Variants in INTS13 observed in about 807,000 individuals in gnomAD.
INTS13 encodes asunder, spermatogenesis regulator homolog (Drosphila).
Under a neutral mutation model 90.2 loss-of-function variants are expected in INTS13, and 35 were observed. The ratio of observed to expected loss-of-function variants is 0.39; its 90% CI spans 0.30 to 0.51. The LOEUF is 0.51. Among genes scored for constraint, INTS13 ranks in the 20% least tolerant of loss-of-function variants. The pLI is 0.80. For missense variants in INTS13, 601 were observed against 851.2 expected, an observed-to-expected ratio of 0.71 and a Z score of 3.66; for synonymous variants, 309 against 277.1, an observed-to-expected ratio of 1.11 and a Z score of -1.14.
At position 26,928,831 on chromosome 12, in the gene INTS13, G is replaced by A. The variant is rs1253969387; in HGVS notation, c.375C>T (p.Gly125=). The part of the protein sequence containing the change: ...ADPECCSILH[G]LVAAVETLCK... ...AGAGAGTTTCCACTGCTGCAACAAG[G>A]CCATGCAGAATACTGCAGCACTCTG... Residue 125 remains glycine, a synonymous_variant, in exon 4 of 17, where the codon GGC becomes GGT. Coordinates refer to ENST00000261191, the MANE Select transcript of INTS13 (RefSeq NM_018164.3). The A allele has an allele frequency of 6.2e-7, 1 of 1,614,176 alleles. No individual in the cohort carries two copies. Among genetic ancestry groups the A allele is most frequent in the South Asian group, 1.1e-5 (1 of 91,088 alleles).
chr12:26,919,076 G>A (rs756547806), intron 8 of INTS13: 10 of 382,074 alleles, frequency 2.6e-5, no homozygotes, highest in Non-Finnish European at 4.4e-5. Context: ...TGAGGTGGAA[G>A]GACTGCTTGT....
intron 1 of INTS13, 85 bp from the exon 2 acceptor site, chr12:26,936,899 C>T (rs1392608768): frequency 1.2e-6 from 1 of 860,990 alleles, no homozygotes; most frequent in African/African-American, 1.7e-5. Context: ...TTGTCTTTCC[C>T]TCAAGAAGAC....
chr12:26,927,804 C>T (rs1355824360), intron 5 of INTS13, among the ~76,000 whole-genome samples: 4 of 151,892 alleles, frequency 2.6e-5, no homozygotes, highest in African/African-American at 7.3e-5. Context: ...TTTGTAGAGA[C>T]GGGGTTTTGC....
chr12:26,925,742 T>C lies in INTS13; in HGVS notation c.675+19A>G. The C allele has an allele frequency of 6.4e-7, 1 of 1,564,204 alleles. No individual in the cohort carries two copies. The highest frequency in any genetic ancestry group is 2.3e-5 in the East Asian group (1 of 44,416). ...TTATTAACCACAATAGTCTTTTCTT[T>C]CATTATTTCAACACTCACCTCTTTT... is the stretch of plus-strand genomic sequence containing the variant. On this transcript the variant is annotated intron_variant, in intron 6 of 16. Transcript: ENST00000261191.
rs1014339847 is a variant in INTS13 at position 26,913,696 on chromosome 12, A to G, written c.1575-9T>C. 1.9e-6 allele frequency: 3 copies of G among 1,585,340 alleles called. No homozygotes were observed. In the African/African-American group the frequency reaches 4.1e-5, roughly 21 times the overall value. ...TACGGTATTGTTCATCTCTGCAGCA[A>G]AGATTTGGAAATACTCTTTAAATAA... On this transcript the variant is annotated splice_polypyrimidine_tract_variant and intron_variant, in intron 13 of 16. Transcript: ENST00000261191.
At chr12:26,907,696 A>C (rs1190064723) in intron 15 of INTS13, among the ~76,000 whole-genome samples, 1 of 152,238 alleles carries the variant, frequency 6.6e-6, no homozygotes, top group African/African-American at 2.4e-5. Flanking sequence ...CCAACACAGA[A>C]CTTGTATCCA....
At chr12:26,934,126 T>G (rs1938337789) in intron 3 of INTS13, among the ~76,000 whole-genome samples, 1 of 152,066 alleles carries the variant, frequency 6.6e-6, no homozygotes, top group Non-Finnish European at 1.5e-5. Flanking sequence ...AATACAAAAA[T>G]TAGCCAGGCA....
In INTS13 at chr12:26,908,453, AATC is replaced by A. The variant is rs572720788; in HGVS notation, c.1946-2019_1946-2017del. Among the ~76,000 whole-genome samples, 294 of 152,352 alleles carry A rather than the reference AATC, an allele frequency of 1.9e-3. 1 individual carries two copies. Among genetic ancestry groups the A allele is most frequent in the African/African-American group, 6.7e-3 (278 of 41,580 alleles). ...ATAAAACACATAAAGGAGGAAATAA[AATC>A]ATCCTAATGCCACTGCTCTAACAAC... On this transcript the variant is annotated intron_variant, in intron 15 of 16. Coordinates refer to ENST00000261191, the MANE Select transcript of INTS13 (RefSeq NM_018164.3).
chr12:26,919,049 C>A, intron 8 of INTS13: 1 of 396,230 alleles, frequency 2.5e-6, no homozygotes, highest in Non-Finnish European at 5.2e-6. Context: ...ACCTGCAGTC[C>A]CAGCTACTCC....
At chr12:26,924,946 T>C (rs891709907) in intron 6 of INTS13, among the ~76,000 whole-genome samples, 1 of 152,084 alleles carries the variant, frequency 6.6e-6, no homozygotes, top group Non-Finnish European at 1.5e-5. Context: ...CACCAATAAA[T>C]AAGGCAGCTA....
rs369835375 is a variant in INTS13 at position 26,906,815 on chromosome 12, C to A, written c.1946-378G>T. Among the ~76,000 whole-genome samples, 12 of 152,342 alleles carry A rather than the reference C, an allele frequency of 7.9e-5. 1 individual carries two copies. In the East Asian group the frequency reaches 2.1e-3, roughly 27 times the overall value. ...TGCAGGCTTCCCATGCTCACTCTCT[C>A]CAATGAGGTTTATGCAGAGTGCATA... On this transcript the variant is annotated intron_variant, in intron 15 of 16. Coordinates refer to ENST00000261191, the MANE Select transcript of INTS13 (RefSeq NM_018164.3).
At chr12:26,905,573 A>C (rs1405841566) in intron 16 of INTS13, 37 bp from the exon 17 acceptor site, 1 of 1,574,876 alleles carries the variant, frequency 6.3e-7, no homozygotes, top group South Asian at 1.1e-5. Flanking sequence ...GATAAAATAA[A>C]TATTCATTAA....
intron 15 of INTS13, among the ~76,000 whole-genome samples, chr12:26,907,180 C>G (rs113285169): frequency 2.6e-4 from 40 of 152,268 alleles, no homozygotes; most frequent in African/African-American, 8.9e-4. Context: ...AAAAAGAAGA[C>G]AAAAGTTAGA....
At chr12:26,908,059 T>C (rs546527215) in intron 15 of INTS13, among the ~76,000 whole-genome samples, 14 of 152,204 alleles carry the variant, frequency 9.2e-5, no homozygotes, top group Non-Finnish European at 1.6e-4. Context: ...ATTATAATAC[T>C]ATGTGAAAAA....
At chr12:26,929,092 C>G (rs1938047032) in intron 3 of INTS13, 187 bp from the exon 4 acceptor site, 1 of 555,774 alleles carries the variant, frequency 1.8e-6, no homozygotes, top group African/African-American at 1.9e-5. Flanking sequence ...GGGATTTATT[C>G]TAGGAATGCA....
chr12:26,930,047 A>C (rs1213233271), intron 3 of INTS13, among the ~76,000 whole-genome samples: 5 of 152,206 alleles, frequency 3.3e-5, no homozygotes, highest in African/African-American at 1.2e-4. Flanking sequence ...TGAAGACTAA[A>C]TTTTTTAAAA....
At chr12:26,907,200 C>T (rs1174188178) in intron 15 of INTS13, among the ~76,000 whole-genome samples, 1 of 152,208 alleles carries the variant, frequency 6.6e-6, no homozygotes, top group African/African-American at 2.4e-5. Context: ...AAGATTCTTA[C>T]TTCCTCATTA....
At chr12:26,915,213 C>T (rs886982587) in intron 11 of INTS13, among the ~76,000 whole-genome samples, 6 of 152,026 alleles carry the variant, frequency 3.9e-5, no homozygotes, top group Admixed American at 3.3e-4. Flanking sequence ...GCAACAAGAG[C>T]GAAACTCTGT....
chr12:26,920,020 C>T (rs1167982325), intron 8 of INTS13, among the ~76,000 whole-genome samples: 3 of 151,624 alleles, frequency 2.0e-5, no homozygotes, highest in East Asian at 2.0e-4. Context: ...CCCAACTACT[C>T]GGGAGGCTGA....
Sources: gnomAD v4.1 joint callset for allele counts (sites outside exome capture counted in the v4.1 genomes callset) on GRCh38, gnomAD v4.1.1 for gene constraint, MANE v1.5 for transcripts, NCBI Gene and HGNC (gene_info 2026-07-23, HGNC 2026-07-21) for gene names.